Variants in LRRC4C observed in about 807,000 individuals in gnomAD.
LRRC4C encodes the protein leucine-rich repeat-containing protein 4C.
In LRRC4C, 5 loss-of-function variants were observed where a neutral mutation model predicts 33.6. The ratio of observed to expected loss-of-function variants is 0.15; its 90% CI spans 0.08 to 0.31. The LOEUF is 0.31. Among genes scored for constraint, LRRC4C ranks in the 10% least tolerant of loss-of-function variants. LRRC4C has a pLI of 1.00. For missense variants in LRRC4C, 560 were observed against 796.7 expected (o/e 0.70, Z 3.58); for synonymous variants, 329 against 302.0 (o/e 1.09, Z -0.93).
intron 1 of LRRC4C, among the ~76,000 whole-genome samples, chr11:41,296,618 T>C (rs1217568699): frequency 6.6e-6 from 1 of 152,182 alleles, no homozygotes; most frequent in Non-Finnish European, 1.5e-5. Context: ...GCCTATGCTG[T>C]GCTTTTTTGA....
In LRRC4C at chr11:41,341,163, A is replaced by C. The variant is rs1196362479; in HGVS notation, c.-496+118268T>G. Among the ~76,000 whole-genome samples, 205 of 151,978 alleles carry C rather than the reference A, an allele frequency of 1.3e-3. 4 individuals carry two copies. Among genetic ancestry groups the C allele is most frequent in the Non-Finnish European group, 4.1e-4 (28 of 67,984 alleles). On this transcript the variant is annotated intron_variant, in intron 1 of 6. Transcript: ENST00000528697. ...CTAGGTATGAAAGTAATAGTGTGTT[A>C]GGTGAGGATGTTACTTAAGAAAACA...
chr11:40,359,641 T>C (rs1389410496), intron 3 of LRRC4C, among the ~76,000 whole-genome samples: 1 of 152,166 alleles, frequency 6.6e-6, no homozygotes, highest in Non-Finnish European at 1.5e-5. Context: ...CATAGCTGTA[T>C]GAGAATATTT....
intron 5 of LRRC4C, among the ~76,000 whole-genome samples, chr11:40,170,374 C>T (rs770048141): frequency 3.9e-5 from 6 of 152,226 alleles, no homozygotes; most frequent in East Asian, 1.9e-4. Flanking sequence ...AGGGCTCACT[C>T]GGTGAAAACA....
At chr11:40,829,933 TAAAA>T (rs1952336306) in intron 2 of LRRC4C, among the ~76,000 whole-genome samples, 1 of 151,982 alleles carries the variant, frequency 6.6e-6, no homozygotes, top group South Asian at 2.1e-4. Context: ...ATGAAAACAC[TAAAA>T]ATAAATATTA....
intron 5 of LRRC4C, among the ~76,000 whole-genome samples, chr11:40,175,368 A>T (rs1860389337): frequency 1.3e-5 from 2 of 152,250 alleles, no homozygotes; most frequent in African/African-American, 2.4e-5. Context: ...CCCAGTGAAC[A>T]AGGAAAACCA....
At position 40,114,534 on chromosome 11, in the gene LRRC4C, T is replaced by C. The variant is rs1477127692; in HGVS notation, c.1759A>G (p.Met587Val). ...AGGTGCTCATGCTCGATAGCAGGCA[T>C]GGGCAGGTGGCTTTCCATGGGTGTG... ...GDTPMESHLP[M>V]PAIEHEHLNH... is the part of the protein sequence containing the mutation. The change falls in exon 7 of 7, where the codon ATG (methionine) becomes GTG (valine). Residue 587 changes from methionine to valine, a missense_variant. Around this residue, in one of 3 missense-constraint regions of LRRC4C, gnomAD observed 103 missense variants for 132.1 expected, o/e 0.78. Coordinates refer to ENST00000528697, the MANE Select transcript of LRRC4C (RefSeq NM_001258419.2). 6.2e-7 allele frequency: 1 copy of C among 1,614,148 alleles called. No homozygotes were observed. Among genetic ancestry groups the C allele is most frequent in the Admixed American group, 1.7e-5 (1 of 60,014 alleles).
At chr11:41,411,760 C>T (rs569785547) in intron 1 of LRRC4C, among the ~76,000 whole-genome samples, 2 of 152,178 alleles carry the variant, frequency 1.3e-5, no homozygotes, top group East Asian at 3.9e-4. Context: ...GGGTTTTCTC[C>T]CAGAACTTCT....
chr11:40,281,139 A>G (rs1448708771), intron 4 of LRRC4C, among the ~76,000 whole-genome samples: 1 of 152,120 alleles, frequency 6.6e-6, no homozygotes, highest in African/African-American at 2.4e-5. Context: ...GCTGGAAACT[A>G]TTGCCATGGC....
chr11:41,389,637 A>G, intron 1 of LRRC4C, among the ~76,000 whole-genome samples: 1 of 143,550 alleles, frequency 7.0e-6, no homozygotes, highest in Non-Finnish European at 1.5e-5. Context: ...AACAGTGAGC[A>G]GCAAAAAAAA....
At chr11:41,084,625 G>T (rs1367551917) in intron 1 of LRRC4C, among the ~76,000 whole-genome samples, 1 of 152,092 alleles carries the variant, frequency 6.6e-6, no homozygotes, top group African/African-American at 2.4e-5. Flanking sequence ...GAGGCGGGTG[G>T]ATCACCTGAG....
At chr11:40,868,901 G>C (rs1954498998) in intron 2 of LRRC4C, among the ~76,000 whole-genome samples, 1 of 152,044 alleles carries the variant, frequency 6.6e-6, no homozygotes, top group African/African-American at 2.4e-5. Context: ...ATAACCTTTT[G>C]TTATTCTCTG....
At chr11:41,449,015 G>T (rs1444877524) in intron 1 of LRRC4C, among the ~76,000 whole-genome samples, 1 of 152,198 alleles carries the variant, frequency 6.6e-6, no homozygotes, top group Non-Finnish European at 1.5e-5. Flanking sequence ...ACCAGAGTTT[G>T]CAGATTGGGA....
intron 3 of LRRC4C, 144 bp downstream of exon 3, chr11:40,647,998 C>G (rs1942567137): frequency 6.6e-6 from 1 of 152,178 alleles, no homozygotes; most frequent in Non-Finnish European, 1.5e-5. Context: ...CATATGCTGG[C>G]ATCCACATGT....
At chr11:40,874,278 G>A (rs1954780133) in intron 2 of LRRC4C, among the ~76,000 whole-genome samples, 1 of 152,150 alleles carries the variant, frequency 6.6e-6, no homozygotes. Context: ...TACATAGTGT[G>A]GACACAGCTT....
chr11:41,158,066 C>A (rs1473824523), intron 1 of LRRC4C, among the ~76,000 whole-genome samples: 3 of 152,046 alleles, frequency 2.0e-5, no homozygotes, highest in Non-Finnish European at 2.9e-5. Context: ...ATCCCTCAGC[C>A]ACCCTTCCCA....
intron 1 of LRRC4C, among the ~76,000 whole-genome samples, chr11:41,260,414 G>A (rs1948942558): frequency 6.6e-6 from 1 of 151,966 alleles, no homozygotes; most frequent in African/African-American, 2.4e-5. Flanking sequence ...GAAATGAAAT[G>A]AAGATCGTCT....
chr11:41,033,629 G>A (rs1236160344), intron 1 of LRRC4C, among the ~76,000 whole-genome samples: 4 of 152,004 alleles, frequency 2.6e-5, no homozygotes, highest in African/African-American at 9.7e-5. Flanking sequence ...CCAATCTGGA[G>A]GCACTTTTGT....
At chr11:41,008,412 G>T (rs1854924237) in intron 1 of LRRC4C, among the ~76,000 whole-genome samples, 1 of 152,078 alleles carries the variant, frequency 6.6e-6, no homozygotes, top group South Asian at 2.1e-4. Context: ...TTGCTACAGG[G>T]TACACAGTAA....
Position 41,131,345 on chromosome 11 carries a change from A to G in LRRC4C, c.-495-197622T>C, listed in dbSNP as rs548257289. Among the ~76,000 whole-genome samples, 9 of 152,170 alleles carry G rather than the reference A, an allele frequency of 5.9e-5. No individual in the cohort carries two copies. In the South Asian group the frequency reaches 1.9e-3, roughly 32 times the overall value. On this transcript the variant is annotated intron_variant, in intron 1 of 6. Coordinates refer to ENST00000528697, the MANE Select transcript of LRRC4C (RefSeq NM_001258419.2). Reference sequence around the variant, plus strand: ...ATTCAAATGTACAACTACTTTAAACATATGTATTCATCTTAAATTCTAACT... The same window carrying G: ...ATTCAAATGTACAACTACTTTAAACGTATGTATTCATCTTAAATTCTAACT...
Sources: gnomAD v4.1 joint callset for allele counts (sites outside exome capture counted in the v4.1 genomes callset) on GRCh38, gnomAD v4.1.1 for gene constraint, gnomAD v4.1.1 regional missense constraint, MANE v1.5 for transcripts, NCBI Gene and HGNC (gene_info 2026-07-23, HGNC 2026-07-21) for gene names.